ACTR6: variants seen among roughly 807,000 people sequenced by gnomAD.
ACTR6 encodes the protein actin related protein 6.
Under a neutral mutation model 52.5 loss-of-function variants are expected in ACTR6, and 50 were observed. The ratio of observed to expected loss-of-function variants is 0.95; its 90% CI spans 0.76 to 1.20. The LOEUF (loss-of-function observed/expected upper bound fraction) is 1.20. Among genes scored for constraint, ACTR6 ranks in the 50% most tolerant of loss-of-function variants. The pLI, the probability that ACTR6 is intolerant of heterozygous loss-of-function variation, is 0.00. For missense variants in ACTR6, 344 were observed against 472.4 expected, an observed-to-expected ratio of 0.73 and a Z score of 2.52; for synonymous variants, 135 against 147.2, an observed-to-expected ratio of 0.92 and a Z score of 0.60.
intron 1 of ACTR6, among the ~76,000 whole-genome samples, chr12:100,202,020 C>T (rs2096110175): frequency 6.6e-6 from 1 of 151,664 alleles, no homozygotes; most frequent in East Asian, 1.9e-4. Context: ...CAACCTCTGC[C>T]TCCCGGGTTC....
chr12:100,213,856 G>A (rs1414937871), intron 8 of ACTR6, among the ~76,000 whole-genome samples: 1 of 152,164 alleles, frequency 6.6e-6, no homozygotes, highest in Non-Finnish European at 1.5e-5. Flanking sequence ...GGACTGTTGG[G>A]AAGTTAAAAA....
At chr12:100,221,805 G>C (rs1294570670) in intron 10 of ACTR6, 1 of 151,590 alleles carries the variant, frequency 6.6e-6, no homozygotes, top group Non-Finnish European at 1.5e-5. Flanking sequence ...TAAAAAAAAA[G>C]AAGGAAAAAA....
intron 1 of ACTR6, among the ~76,000 whole-genome samples, chr12:100,201,909 C>CA (rs200479811): frequency 2.6e-3 from 392 of 152,120 alleles, no homozygotes; most frequent in African/African-American, 9.0e-3. Context: ...GGGCGTGAGC[C>CA]CTACACCCAG....
intron 6 of ACTR6, among the ~76,000 whole-genome samples, chr12:100,211,533 A>G (rs1328650850): frequency 6.6e-6 from 1 of 152,166 alleles, no homozygotes; most frequent in Non-Finnish European, 1.5e-5. Context: ...TCAGCCTTCC[A>G]AAGTGCTGGG....
intron 4 of ACTR6, 96 bp from the exon 5 acceptor site, chr12:100,209,977 C>A: frequency 9.5e-7 from 1 of 1,054,066 alleles, no homozygotes; most frequent in Non-Finnish European, 1.3e-6. Flanking sequence ...ATAAAGGGAA[C>A]ATTTTTGTCT....
Position 100,219,997 on chromosome 12 carries a change from T to A in ACTR6, c.923-11T>A, listed in dbSNP as rs1010401819. 6.2e-7 allele frequency: 1 copy of A among 1,611,256 alleles called. No individual in the cohort carries two copies. Among genetic ancestry groups the A allele is most frequent in the East Asian group, 2.2e-5 (1 of 44,852 alleles). On this transcript the variant is annotated splice_polypyrimidine_tract_variant and intron_variant, in intron 9 of 10. Coordinates refer to ENST00000188312, the MANE Select transcript of ACTR6 (RefSeq NM_022496.5). ...CTTTTTTCCTTTCCTTCTCCTTTTCTTCTTTTAAAGAAATGCAGCCGCATT... is the reference window on the plus strand; with the variant it reads ...CTTTTTTCCTTTCCTTCTCCTTTTCATCTTTTAAAGAAATGCAGCCGCATT...
chr12:100,201,601 T>C (rs2096109724), intron 1 of ACTR6, among the ~76,000 whole-genome samples: 1 of 152,178 alleles, frequency 6.6e-6, no homozygotes, highest in Non-Finnish European at 1.5e-5. Flanking sequence ...GAAATCAAAC[T>C]GAGTAGGAAT....
At position 100,207,797 on chromosome 12, in the gene ACTR6, G is replaced by A; in HGVS notation, c.379+11G>A. 3.1e-6 allele frequency: 5 copies of A among 1,590,308 alleles called. No homozygotes were observed. The highest frequency in any genetic ancestry group is 4.3e-6 in the Non-Finnish European group (5 of 1,163,264). On this transcript the variant is annotated intron_variant, in intron 4 of 10. Coordinates refer to ENST00000188312, the MANE Select transcript of ACTR6 (RefSeq NM_022496.5). ...TATTAAGAGTAAATGGTGAGTTCAA[G>A]TTTTCACTGAAATTGAGTTATATGA...
At chr12:100,202,804 C>T (rs993083855) in intron 1 of ACTR6, among the ~76,000 whole-genome samples, 2 of 151,280 alleles carry the variant, frequency 1.3e-5, no homozygotes, top group African/African-American at 4.9e-5. Flanking sequence ...TTGCAGTGAG[C>T]CGAGATCACG....
intron 7 of ACTR6, 42 bp from the exon 8 acceptor site, chr12:100,212,407 CA>C (rs1263214927): frequency 1.3e-6 from 2 of 1,592,872 alleles, no homozygotes; most frequent in African/African-American, 2.7e-5. Flanking sequence ...GGGGATGTTA[CA>C]CATAATTAGA....
rs1379877439 is a variant in ACTR6, at chr12:100,220,116, AT to A, written c.1033del (p.Tyr345MetfsTer21). On this transcript the variant is annotated frameshift_variant, in exon 10 of 11. Transcript: ENST00000188312. LOFTEE classifies it high-confidence loss of function. ...YSEVRCLTPT[D>X]YDVSVVLPEN... ...GAAGTTCGATGTCTTACTCCAACAG[AT>A]TATGATGTTTCTGTTGTGCTGCCTG... is the stretch of plus-strand genomic sequence containing the variant. 6.2e-7 allele frequency: 1 copy of A among 1,613,604 alleles called. No individual in the cohort carries two copies. Among genetic ancestry groups the A allele is most frequent in the Admixed American group, 1.7e-5 (1 of 59,990 alleles).
chr12:100,215,499 C>T (rs1217220649), intron 8 of ACTR6, among the ~76,000 whole-genome samples: 1 of 152,080 alleles, frequency 6.6e-6, no homozygotes, highest in Non-Finnish European at 1.5e-5. Context: ...TGGCTTTTGA[C>T]CTTGTGAACA....
intron 4 of ACTR6, 103 bp downstream of exon 4, chr12:100,207,889 A>C (rs2096116244): frequency 7.7e-7 from 1 of 1,292,342 alleles, no homozygotes; most frequent in African/African-American, 1.5e-5. Context: ...TGGCTAGCAC[A>C]GTGGCTAACA....
intron 1 of ACTR6, among the ~76,000 whole-genome samples, chr12:100,202,967 G>A (rs1246877185): frequency 6.6e-6 from 1 of 152,166 alleles, no homozygotes; most frequent in African/African-American, 2.4e-5. Context: ...CGTGTGGTTG[G>A]GGGTATGAGT....
intron 9 of ACTR6, among the ~76,000 whole-genome samples, chr12:100,219,600 G>A (rs780974629): frequency 2.0e-5 from 3 of 152,112 alleles, no homozygotes; most frequent in African/African-American, 7.2e-5. Flanking sequence ...GAAAGACCTC[G>A]TTTTCATCCT....
intron 10 of ACTR6, among the ~76,000 whole-genome samples, chr12:100,221,027 CAAAA>C (rs1399336860): frequency 6.9e-6 from 1 of 143,940 alleles, no homozygotes; most frequent in Non-Finnish European, 1.5e-5. Context: ...AAAAAAAAAA[CAAAA>C]AAAGAAGGTA....
chr12:100,206,104 C>G (rs1416252319), intron 3 of ACTR6: 1 of 155,742 alleles, frequency 6.4e-6, no homozygotes, highest in Non-Finnish European at 1.4e-5. Context: ...AGTTTTAATA[C>G]TTCTCAAGAA....
Position 100,223,777 on chromosome 12 carries a change from T to C in ACTR6, c.1062-9T>C, listed in dbSNP as rs2096130134. On this transcript the variant is annotated splice_polypyrimidine_tract_variant and intron_variant, in intron 10 of 10. Transcript: ENST00000188312. ...AATCATCTGGGTTCATTTATACCTT[T>C]ATTTTCAGCCCTATTACTTATGCCT... The C allele has an allele frequency of 1.3e-6, 2 of 1,599,186 alleles. No individual in the cohort carries two copies. Among genetic ancestry groups the C allele is most frequent in the Non-Finnish European group, 1.7e-6 (2 of 1,176,072 alleles).
Position 100,218,591 on chromosome 12 carries a change from AT to A in ACTR6, c.922+6del, listed in dbSNP as rs2096125645. ...CAATTCAAAATCTACCTGAAGGTAC[AT>A]AAATAGAGTAAAATACTAAAGAATT... On this transcript the variant is annotated splice_donor_region_variant and intron_variant, in intron 9 of 10. Coordinates refer to ENST00000188312, the MANE Select transcript of ACTR6 (RefSeq NM_022496.5). This position sits in a 1 kb window ranked among gnomAD's most constrained non-coding sequence, Gnocchi z 4.2. The A allele has an allele frequency of 1.4e-6, 2 of 1,471,664 alleles. No individual in the cohort carries two copies. Among genetic ancestry groups the A allele is most frequent in the Non-Finnish European group, 1.8e-6 (2 of 1,103,632 alleles). The allele number at this position is 1,471,664 out of a possible 1,614,324, so 91.2% of individuals were successfully genotyped here.
Sources: gnomAD v4.1 joint callset for allele counts (sites outside exome capture counted in the v4.1 genomes callset) on GRCh38, gnomAD v4.1.1 for gene constraint, Gnocchi (gnomAD v3.1) non-coding constraint, MANE v1.5 for transcripts, NCBI Gene and HGNC (gene_info 2026-07-23, HGNC 2026-07-21) for gene names.